NDE1: variants seen among roughly 807,000 people sequenced by gnomAD.
The protein encoded by NDE1 is nudE neurodevelopment protein 1, also known as nuclear distribution protein nudE homolog 1.
In NDE1, 28 loss-of-function variants were observed where a neutral mutation model predicts 43.4. The observed-to-expected ratio is 0.65, with a 90% CI of 0.48 to 0.89. NDE1 has a LOEUF of 0.89. NDE1 is among the 40% of genes least tolerant of loss of function. The probability of loss-of-function intolerance (pLI) is 0.00; values close to 1 mark genes in which losing one functional copy is unlikely to be tolerated. For synonymous variants in NDE1, 184 were observed against 172.0 expected (o/e 1.07, Z -0.55); for missense variants, 441 against 434.1 (o/e 1.02, Z -0.14).
intron 3 of NDE1, among the ~76,000 whole-genome samples, chr16:15,669,626 C>A (rs906919359): frequency 6.6e-6 from 1 of 152,202 alleles, no homozygotes; most frequent in African/African-American, 2.4e-5. Context: ...TCCCAAAGTG[C>A]TGGGATTACA....
intron 4 of NDE1, among the ~76,000 whole-genome samples, chr16:15,685,453 A>G (rs1346598840): frequency 1.3e-5 from 2 of 151,938 alleles, no homozygotes; most frequent in Non-Finnish European, 2.9e-5. Context: ...GTCTCTCTAT[A>G]TTACCCAGGC....
intron 8 of NDE1, chr16:15,714,619 G>A (rs998322694): frequency 1.1e-5 from 6 of 552,726 alleles, no homozygotes; most frequent in Non-Finnish European, 2.0e-5. Flanking sequence ...GGGGCTGGAG[G>A]AGACAGTGGG....
intron 1 of NDE1, among the ~76,000 whole-genome samples, chr16:15,663,724 A>G (rs1010884856): frequency 6.6e-6 from 1 of 152,170 alleles, no homozygotes; most frequent in African/African-American, 2.4e-5. Flanking sequence ...ATTGCATGTC[A>G]AAATCCTGTG....
intron 3 of NDE1, among the ~76,000 whole-genome samples, chr16:15,672,113 G>C (rs1248951030): frequency 6.6e-6 from 1 of 151,908 alleles, no homozygotes; most frequent in Non-Finnish European, 1.5e-5. Flanking sequence ...AATATCAAGA[G>C]AATTACTCAG....
Position 15,691,193 on chromosome 16 carries a change from C to T in NDE1, c.573C>T (p.Thr191=). ...AVQQKQEKPR[T]PMPSSVEAER... ...AGCAGAAGCAGGAGAAACCCAGGACCCCCATGCCCAGCTCAGTGGAAGCTG... is the reference window on the plus strand; with the variant it reads ...AGCAGAAGCAGGAGAAACCCAGGACTCCCATGCCCAGCTCAGTGGAAGCTG... Residue 191 remains threonine (T), a synonymous_variant, in exon 6 of 9, where the codon ACC becomes ACT. Coordinates refer to ENST00000396354, the MANE Select transcript of NDE1 (RefSeq NM_017668.3). 3 of 1,614,132 alleles carry T rather than the reference C, an allele frequency of 1.9e-6. No individual in the cohort carries two copies. The highest frequency in any genetic ancestry group is 1.7e-6 in the Non-Finnish European group (2 of 1,180,024).
At position 15,708,844 on chromosome 16, in the gene NDE1, G is replaced by C. The variant is rs2039615122; in HGVS notation, c.947+11984G>C. ...AAGTTTCCTGTGGGGGGGGCCCTCTGAAACAGAGAGAGAATCCCCGGAGGT... is the reference window on the plus strand; with the variant it reads ...AAGTTTCCTGTGGGGGGGGCCCTCTCAAACAGAGAGAGAATCCCCGGAGGT... On this transcript the variant is annotated intron_variant, in intron 8 of 8. Coordinates refer to ENST00000396354, the MANE Select transcript of NDE1 (RefSeq NM_017668.3). 2 of 1,609,848 alleles carry C rather than the reference G, an allele frequency of 1.2e-6. No homozygotes were observed. Among genetic ancestry groups the C allele is most frequent in the Non-Finnish European group, 1.7e-6 (2 of 1,178,400 alleles).
chr16:15,716,055 C>T (rs530441141), intron 8 of NDE1, among the ~76,000 whole-genome samples: 2 of 152,058 alleles, frequency 1.3e-5, no homozygotes, highest in South Asian at 2.1e-4. Flanking sequence ...GAGCTGAGAT[C>T]GCACCACTGC....
chr16:15,698,844 G>A (rs1012113815), intron 8 of NDE1, among the ~76,000 whole-genome samples: 20 of 151,546 alleles, frequency 1.3e-4, no homozygotes, highest in African/African-American at 4.4e-4. Flanking sequence ...CTGGGCAACA[G>A]AGTGAGACTC....
At chr16:15,685,636 C>T (rs1392027292) in intron 4 of NDE1, among the ~76,000 whole-genome samples, 1 of 152,146 alleles carries the variant, frequency 6.6e-6, no homozygotes, top group Non-Finnish European at 1.5e-5. Context: ...TTGTATGACT[C>T]CATCTAGACA....
Position 15,724,768 on chromosome 16 carries a change from A to G in NDE1, c.*517A>G. 1.2e-6 allele frequency: 2 copies of G among 1,614,044 alleles called. No homozygotes were observed. The highest frequency in any genetic ancestry group is 1.7e-6 in the Non-Finnish European group (2 of 1,180,020). The stretch of plus-strand genomic sequence containing the variant: ...CTGGCGCAGCTTCGTAGACACGTTG[A>G]GCTTCTGCCGGGTTTCTTCTTGAAG... On this transcript the variant is annotated 3_prime_UTR_variant, in exon 9 of 9. Transcript: ENST00000396354.
intron 8 of NDE1, chr16:15,711,384 G>A (rs1387079856): frequency 6.6e-6 from 1 of 152,290 alleles, no homozygotes; most frequent in African/African-American, 2.4e-5. Context: ...CTTTTTAGTG[G>A]AGAAGTAGGC....
chr16:15,696,557 A>G (rs917291429), intron 7 of NDE1, 152 bp from the exon 8 acceptor site: 3 of 1,394,106 alleles, frequency 2.2e-6, no homozygotes, highest in Non-Finnish European at 2.9e-6. Context: ...AGACTGGCAT[A>G]TACGTTGGAT....
At chr16:15,697,106 T>C (rs1314843133) in intron 8 of NDE1, 11 of 971,426 alleles carry the variant, frequency 1.1e-5, no homozygotes, top group Non-Finnish European at 1.3e-5. Flanking sequence ...TAGAATACGA[T>C]GGCAGGATCA....
At chr16:15,708,501 TAC>T (rs2039589379) in intron 8 of NDE1, among the ~76,000 whole-genome samples, 3 of 152,174 alleles carry the variant, frequency 2.0e-5, no homozygotes, top group South Asian at 2.1e-4. Flanking sequence ...AAATCCAAGC[TAC>T]ACACACAGCC....
intron 8 of NDE1, among the ~76,000 whole-genome samples, chr16:15,723,043 C>G (rs371890184): frequency 2.4e-4 from 37 of 152,296 alleles, no homozygotes; most frequent in African/African-American, 8.4e-4. Context: ...CGTGCCTGGC[C>G]TCTCAAACTG....
At chr16:15,667,626 TGTTTTG>T in intron 3 of NDE1, among the ~76,000 whole-genome samples, 187 bp downstream of exon 3, 1 of 116,082 alleles carries the variant, frequency 8.6e-6, no homozygotes. Flanking sequence ...TGGTGCTTTT[TGTTTTG>T]TTTTTTTTTT....
chr16:15,658,411 G>A (rs2036878599), intron 1 of NDE1, among the ~76,000 whole-genome samples: 1 of 152,148 alleles, frequency 6.6e-6, no homozygotes, highest in Admixed American at 6.5e-5. Flanking sequence ...GCGTGAATTA[G>A]GCCCACCTCT....
In NDE1 at chr16:15,719,565, C is replaced by G. The variant is rs527381094; in HGVS notation, c.948-4626C>G. 8.7e-6 allele frequency: 14 copies of G among 1,613,742 alleles called. No individual in the cohort carries two copies. The African/African-American group carries it at 1.2e-4, about 14-fold the overall frequency. On this transcript the variant is annotated intron_variant, in intron 8 of 8. Coordinates refer to ENST00000396354, the MANE Select transcript of NDE1 (RefSeq NM_017668.3). ...CGTGACACCCGCATCTGAGGCTCTC[C>G]TAGCAAGGCGAGGCTTTACCTCTTG...
At chr16:15,647,748 C>T (rs550447773), upstream of NDE1, among the ~76,000 whole-genome samples, 273 of 152,152 alleles carry the variant, frequency 1.8e-3, 1 homozygote, top group African/African-American at 5.8e-3. Flanking sequence ...CTCATAATGC[C>T]GGGTGCTGTG....
Sources: gnomAD v4.1 joint callset for allele counts (sites outside exome capture counted in the v4.1 genomes callset) on GRCh38, gnomAD v4.1.1 for gene constraint, MANE v1.5 for transcripts, NCBI Gene and HGNC (gene_info 2026-07-23, HGNC 2026-07-21) for gene names.